The following PITPNM3 variants were observed in gnomAD, a reference collection of about 807,000 sequenced individuals.
PITPNM3 encodes PITPNM family member 3.
A neutral mutation model predicts 102.0 loss-of-function variants in PITPNM3; 26 were observed. The ratio of observed to expected loss-of-function variants is 0.25; its 90% CI spans 0.19 to 0.35. The LOEUF (loss-of-function observed/expected upper bound fraction) is 0.35. Among genes scored for constraint, PITPNM3 ranks in the 10% least tolerant of loss-of-function variants. PITPNM3 has a pLI of 1.00. For missense variants in PITPNM3, 1,083 were observed against 1,346.1 expected (o/e 0.80, Z 3.06); for synonymous variants, 578 against 558.6 (o/e 1.03, Z -0.49).
intron 9 of PITPNM3, among the ~76,000 whole-genome samples, chr17:6,476,531 T>C (rs1444238774): frequency 6.6e-6 from 1 of 152,172 alleles, no homozygotes; most frequent in Non-Finnish European, 1.5e-5. Context: ...ATTAGATACA[T>C]GAACTTGGGA....
intron 4 of PITPNM3, among the ~76,000 whole-genome samples, chr17:6,490,483 G>A (rs1284323583): frequency 6.6e-6 from 1 of 152,158 alleles, no homozygotes; most frequent in Non-Finnish European, 1.5e-5. Flanking sequence ...GGGACCCAGA[G>A]TCACAATGAT....
At chr17:6,487,236 G>A (rs1470182631) in intron 4 of PITPNM3, among the ~76,000 whole-genome samples, 1 of 152,196 alleles carries the variant, frequency 6.6e-6, no homozygotes, top group African/African-American at 2.4e-5. Flanking sequence ...TCAGCTGTGT[G>A]ACCTGTGTCT....
intron 3 of PITPNM3, 100 bp from the exon 4 acceptor site, chr17:6,503,674 T>C: frequency 4.1e-6 from 5 of 1,228,656 alleles, no homozygotes; most frequent in East Asian, 2.4e-5. Flanking sequence ...ACCCTCACTC[T>C]AGAGCTTGGG....
chr17:6,468,078 C>T lies in PITPNM3; in HGVS notation c.1890+147G>A, dbSNP rs914844915. On this transcript the variant is annotated intron_variant, in intron 14 of 19. Transcript: ENST00000262483. This position sits in a 1 kb window ranked among gnomAD's most constrained non-coding sequence, Gnocchi z 5.2. Reference sequence around the variant, plus strand: ...TGCAGCTGCAGTGCCTGGGCTCCATCTGAGTGTGAGCCCCAGCCTGTTTGG... The same window carrying T: ...TGCAGCTGCAGTGCCTGGGCTCCATTTGAGTGTGAGCCCCAGCCTGTTTGG... 1.1e-5 allele frequency: 9 copies of T among 798,314 alleles called. No individual in the cohort carries two copies. The East Asian group carries it at 1.2e-4, about 11-fold the overall frequency. 49.5% of individuals were successfully genotyped at this position (798,314 alleles called of 1,614,324 possible). A position where few individuals can be genotyped will look rare whatever the true frequency, so the allele number is the denominator to read the frequency against.
chr17:6,539,924 A>G (rs356054), intron 1 of PITPNM3, among the ~76,000 whole-genome samples: 111,198 of 152,154 alleles, frequency 0.73, 41,253 homozygotes, highest in African/African-American at 0.85. Context: ...AGTAGCAACA[A>G]AGTCAGCTGA....
At chr17:6,509,087 A>G (rs1023820200) in intron 3 of PITPNM3, among the ~76,000 whole-genome samples, 1 of 152,152 alleles carries the variant, frequency 6.6e-6, no homozygotes, top group Non-Finnish European at 1.5e-5. Flanking sequence ...GCTACAAGGA[A>G]CTGGGAAGGC....
At chr17:6,475,052 C>T (rs1318781991) in intron 9 of PITPNM3, among the ~76,000 whole-genome samples, 2 of 152,176 alleles carry the variant, frequency 1.3e-5, no homozygotes, top group Non-Finnish European at 2.9e-5. Flanking sequence ...GTGTTGGCCA[C>T]ACTGAGGATT....
intron 2 of PITPNM3, among the ~76,000 whole-genome samples, chr17:6,530,605 C>T (rs1248958578): frequency 2.0e-5 from 3 of 152,124 alleles, no homozygotes; most frequent in African/African-American, 7.2e-5. Flanking sequence ...TTCCCTTAGC[C>T]CTGCTGAAGG....
At chr17:6,501,468 C>T (rs1907171942) in intron 4 of PITPNM3, among the ~76,000 whole-genome samples, 1 of 152,176 alleles carries the variant, frequency 6.6e-6, no homozygotes, top group Non-Finnish European at 1.5e-5. Flanking sequence ...CAAGCCAATA[C>T]TTCCCTGGCC....
intron 3 of PITPNM3, among the ~76,000 whole-genome samples, chr17:6,504,684 C>T (rs1907382509): frequency 1.3e-5 from 2 of 152,298 alleles, no homozygotes; most frequent in East Asian, 3.9e-4. Flanking sequence ...CGCTAAGAAC[C>T]TCCAGGTCCT....
At chr17:6,461,653 A>C in intron 17 of PITPNM3, 97 bp from the exon 18 acceptor site, 1 of 1,393,542 alleles carries the variant, frequency 7.2e-7, no homozygotes, top group South Asian at 1.2e-5. Context: ...CTGAGACGTC[A>C]GAGGGACGAG....
Position 6,463,879 on chromosome 17 carries a change from C to T in PITPNM3, c.2159G>A (p.Gly720Asp), listed in dbSNP as rs1245484778. ...GTAGCTCATGGCACAGGTCTGGTCG[C>T]CCCTGAAAGAAACCTGCCTGTGGTC... ...GVYPVKMVVR[G>D]DQTCAMSYLT... is the part of the protein sequence containing the mutation. The change falls in exon 17 of 20, where the codon GGC becomes GAC. Residue 720 changes from glycine (G) to aspartate (D), a missense_variant and splice_region_variant. Coordinates refer to ENST00000262483, the MANE Select transcript of PITPNM3 (RefSeq NM_031220.4). 6.2e-7 allele frequency: 1 copy of T among 1,613,834 alleles called. No individual in the cohort carries two copies. Among genetic ancestry groups the T allele is most frequent in the African/African-American group, 1.3e-5 (1 of 74,950 alleles).
chr17:6,536,267 C>G (rs992493657), intron 2 of PITPNM3, among the ~76,000 whole-genome samples: 4 of 152,150 alleles, frequency 2.6e-5, no homozygotes, highest in Admixed American at 2.6e-4. Flanking sequence ...TCAGGGACGG[C>G]AGGTGAGCAG....
chr17:6,470,218 T>G lies in PITPNM3; in HGVS notation c.1773+42A>C. ...CAGCTGGAGAAGGGGCGGTACCCCC[T>G]TGGGGTGGCTGTGGGCAGGCCCGCG... On this transcript the variant is annotated intron_variant, in intron 13 of 19. Transcript: ENST00000262483. The surrounding 1 kb of genome is among the most constrained non-coding windows in gnomAD (Gnocchi z 4.8). The G allele has an allele frequency of 6.4e-7, 1 of 1,560,590 alleles. No individual in the cohort carries two copies. Among genetic ancestry groups the G allele is most frequent in the East Asian group, 2.4e-5 (1 of 42,526 alleles).
intron 2 of PITPNM3, among the ~76,000 whole-genome samples, chr17:6,533,076 C>T (rs1024696381): frequency 1.3e-5 from 2 of 152,092 alleles, no homozygotes; most frequent in African/African-American, 4.8e-5. Flanking sequence ...TATTCTCCTG[C>T]CTCAGCCTCC....
intron 2 of PITPNM3, among the ~76,000 whole-genome samples, chr17:6,525,903 A>G (rs1908808132): frequency 6.6e-6 from 1 of 152,176 alleles, no homozygotes; most frequent in Non-Finnish European, 1.5e-5. Flanking sequence ...TAAATGAGAT[A>G]ATGGATGTAA....
chr17:6,523,574 G>A (rs1440396974), intron 3 of PITPNM3, among the ~76,000 whole-genome samples: 1 of 152,214 alleles, frequency 6.6e-6, no homozygotes, highest in Non-Finnish European at 1.5e-5. Flanking sequence ...TAGCAGACAA[G>A]TGGGGATGGG....
At position 6,455,439 on chromosome 17, in the gene PITPNM3, C is replaced by T. The variant is rs1914044665; in HGVS notation, c.2824G>A (p.Glu942Lys). Residue 942 changes from glutamate (E) to lysine (K), a missense_variant, in exon 20 of 20, where the codon GAG becomes AAG. Glu to Lys is a moderately conservative substitution (Grantham distance 56). This residue lies in a region of PITPNM3 where 208 missense variants were observed against 178.2 expected (regional missense o/e 1.17). Transcript: ENST00000262483. ...GACTCGGGCTGGCTCTGGGCCCGCT[C>T]GGGCTTGGGGTTGGCGGCGGGCGGG... ...PDPPAANPKP[E>K]RAQSQPESDK... The T allele has an allele frequency of 1.9e-6, 3 of 1,603,766 alleles. No individual in the cohort carries two copies. The highest frequency in any genetic ancestry group is 1.1e-5 in the South Asian group (1 of 90,994).
chr17:6,530,354 A>G (rs1205498151), intron 2 of PITPNM3, among the ~76,000 whole-genome samples: 2 of 152,166 alleles, frequency 1.3e-5, no homozygotes, highest in Non-Finnish European at 2.9e-5. Flanking sequence ...CGTCTGTAAA[A>G]TGGGATGATT....
Sources: allele counts gnomAD v4.1 joint callset (sites outside exome capture counted in the v4.1 genomes callset), GRCh38; gene constraint gnomAD v4.1.1; regional missense constraint gnomAD v4.1.1; non-coding constraint Gnocchi (gnomAD v3.1); transcripts MANE v1.5; gene names NCBI Gene and HGNC (gene_info 2026-07-23, HGNC 2026-07-21).